Variants in TAF6 observed in about 807,000 individuals in gnomAD.
TAF6 encodes TATA-box binding protein associated factor 6.
Under a neutral mutation model 73.5 loss-of-function variants are expected in TAF6, and 50 were observed. That is an observed-to-expected ratio of 0.68 (90% CI 0.54 to 0.86). The LOEUF is 0.86. Among genes scored for constraint, TAF6 ranks in the 40% least tolerant of loss-of-function variants. The probability of loss-of-function intolerance (pLI) is 0.00; values close to 1 mark genes in which losing one functional copy is unlikely to be tolerated. For synonymous variants in TAF6, 424 were observed against 376.7 expected, an observed-to-expected ratio of 1.13 and a Z score of -1.45; for missense variants, 768 against 899.5, an observed-to-expected ratio of 0.85 and a Z score of 1.87.
chr7:100,121,125 T>A (rs1278255459), upstream of TAF6: 264 of 65,126 alleles, frequency 4.1e-3, no homozygotes, highest in Middle Eastern at 0.019. Flanking sequence ...TATTTTTTTT[T>A]TTTTTTTTTT....
upstream of TAF6, among the ~76,000 whole-genome samples, chr7:100,121,005 G>A (rs1033529124): frequency 1.4e-5 from 2 of 147,296 alleles, no homozygotes; most frequent in African/African-American, 5.1e-5. Flanking sequence ...TGCTCACTAT[G>A]TGCCAGCCTT....
At chr7:100,112,046 C>T in intron 7 of TAF6, 47 bp from the exon 8 acceptor site, 1 of 1,613,796 alleles carries the variant, frequency 6.2e-7, no homozygotes, top group South Asian at 1.1e-5. Flanking sequence ...ATGTGGGGAG[C>T]AATTCATAGG....
chr7:100,109,454 G>T (rs1180054049), intron 12 of TAF6, among the ~76,000 whole-genome samples: 1 of 152,172 alleles, frequency 6.6e-6, no homozygotes, highest in African/African-American at 2.4e-5. Flanking sequence ...AGTAACAGGA[G>T]CATTGGGGAA....
upstream of TAF6, chr7:100,121,111 T>TATATATAC (rs1562938270): frequency 3.6e-3 from 128 of 35,332 alleles, 1 homozygote; most frequent in Non-Finnish European, 6.0e-3. Flanking sequence ...TATATATATA[T>TATATATAC]ATATATTTTT....
chr7:100,107,843 T>C, intron 14 of TAF6, 83 bp downstream of exon 14: 1 of 1,495,062 alleles, frequency 6.7e-7, no homozygotes, highest in Non-Finnish European at 9.0e-7. Flanking sequence ...CAGAGGGGAC[T>C]GTGCTCTACT....
chr7:100,126,162 G>T, the TAF6 span, among the ~76,000 whole-genome samples: 1 of 152,138 alleles, frequency 6.6e-6, no homozygotes, highest in Admixed American at 6.6e-5. Flanking sequence ...CTCCAGCCTG[G>T]GTGATAGAGC....
At chr7:100,116,684 T>C (rs534562797) in intron 1 of TAF6, 3 of 152,306 alleles carry the variant, frequency 2.0e-5, no homozygotes, top group East Asian at 3.9e-4. Context: ...GAAATCCTTA[T>C]AATGTCCTAC....
chr7:100,108,834 G>C, intron 12 of TAF6: 1 of 263,842 alleles, frequency 3.8e-6, no homozygotes, highest in Non-Finnish European at 7.2e-6. Context: ...CAAGAGCCTG[G>C]CCAAAATGGA....
In TAF6 at chr7:100,111,260, G is replaced by T; in HGVS notation, c.962C>A (p.Pro321Gln). ...GAGTGCCCAGTGATTGTCCACATCT[G>T]GTCGCAGGCACAACTGTCTGCTCAC... ...CIVSRQLCLR[P>Q]DVDNHWALRD... is the part of the protein sequence containing the mutation. Residue 321 changes from proline to glutamine, a missense_variant, in exon 10 of 15, where the codon CCA becomes CAA. By Grantham distance (76) the Pro-to-Gln change is moderately conservative. This residue lies in a region of TAF6 where 78 missense variants were observed against 153.4 expected (regional missense o/e 0.51). Coordinates refer to ENST00000453269, the MANE Select transcript of TAF6 (RefSeq NM_139315.3). The T allele has an allele frequency of 6.2e-7, 1 of 1,614,224 alleles. No individual in the cohort carries two copies. Among genetic ancestry groups the T allele is most frequent in the Non-Finnish European group, 8.5e-7 (1 of 1,180,040 alleles).
chr7:100,112,968 TA>T (rs1301734368), intron 5 of TAF6, 51 bp from the exon 6 acceptor site: 4 of 1,573,940 alleles, frequency 2.5e-6, no homozygotes, highest in Non-Finnish European at 1.7e-6. Flanking sequence ...AGTAGAAAAG[TA>T]AAAGGTGGGA....
chr7:100,119,829 G>C (rs779535998), upstream of TAF6: 23 of 1,613,540 alleles, frequency 1.4e-5, no homozygotes, highest in Non-Finnish European at 1.9e-5. Flanking sequence ...GGAGGAGGAC[G>C]ATGACACAGA....
chr7:100,111,882 TC>T lies in TAF6; in HGVS notation c.798+39del, dbSNP rs1363996499. ...GGGCAGGGAGACCCTCACAGGAGCT[TC>T]CACTGCCGTCCCTGCACTGTGGAAC... is the stretch of plus-strand genomic sequence containing the variant. On this transcript the variant is annotated intron_variant, in intron 8 of 14. Transcript: ENST00000453269. 3.1e-6 allele frequency: 5 copies of T among 1,613,968 alleles called. No homozygotes were observed. In the Admixed American group the frequency reaches 5.0e-5, roughly 16 times the overall value.
At chr7:100,111,615 G>T in intron 9 of TAF6, 113 bp downstream of exon 9, 1 of 1,144,026 alleles carries the variant, frequency 8.7e-7, no homozygotes, top group Non-Finnish European at 1.3e-6. Flanking sequence ...CTCCCACTTC[G>T]GCCTCCCAAA....
rs143687621 is a variant in TAF6, at chr7:100,107,381, C to T, written c.1899G>A (p.Ser633=). ...CACTGCCGCTGAGTGGGGACGGGGA[C>T]GATGCCGGGGGAGGAACTGGAGAAG... is the stretch of plus-strand genomic sequence containing the variant. ...SHPSPVPPPA[S]SPSPLSGSAL... is the part of the protein sequence containing the mutation. Residue 633 remains serine, a synonymous_variant, in exon 15 of 15, where the codon TCG becomes TCA. Transcript: ENST00000453269. 1.9e-4 allele frequency: 300 copies of T among 1,590,914 alleles called. No individual in the cohort carries two copies. In the East Asian group the frequency reaches 3.1e-3, roughly 16 times the overall value.
In TAF6 at chr7:100,108,356, C is replaced by G. The variant is rs748478235; in HGVS notation, c.1458+11G>C. On this transcript the variant is annotated intron_variant, in intron 13 of 14. Coordinates refer to ENST00000453269, the MANE Select transcript of TAF6 (RefSeq NM_139315.3). ...CTTCCTCCTATTCCTCCTCCCCACC[C>G]GGCCACGGACCTGCGTGATGGTCAG... is the stretch of plus-strand genomic sequence containing the variant. The G allele has an allele frequency of 2.5e-6, 4 of 1,590,226 alleles. No individual in the cohort carries two copies. Among genetic ancestry groups the G allele is most frequent in the Non-Finnish European group, 3.4e-6 (4 of 1,164,808 alleles).
At position 100,108,353 on chromosome 7, in the gene TAF6, A is replaced by G. The variant is rs1162768382; in HGVS notation, c.1458+14T>C. 5 of 1,588,920 alleles carry G rather than the reference A, an allele frequency of 3.1e-6. No homozygotes were observed. The highest frequency in any genetic ancestry group is 4.3e-6 in the Non-Finnish European group (5 of 1,164,386). On this transcript the variant is annotated intron_variant, in intron 13 of 14. Coordinates refer to ENST00000453269, the MANE Select transcript of TAF6 (RefSeq NM_139315.3). The stretch of plus-strand genomic sequence containing the variant: ...CTGCTTCCTCCTATTCCTCCTCCCC[A>G]CCCGGCCACGGACCTGCGTGATGGT...
upstream of TAF6, chr7:100,124,667 C>T (rs750734379): frequency 2.9e-5 from 46 of 1,611,344 alleles, no homozygotes; most frequent in Non-Finnish European, 3.8e-5. Flanking sequence ...CCTGCCAAGC[C>T]ATAGCCTCCC....
At chr7:100,122,903 G>T (rs1219794071), upstream of TAF6, 5 of 1,612,136 alleles carry the variant, frequency 3.1e-6, no homozygotes, top group African/African-American at 6.7e-5. Context: ...ACCTCAAGAA[G>T]CAGGTAGGAT....
At chr7:100,123,535 T>C (rs1195745969), upstream of TAF6, among the ~76,000 whole-genome samples, 1 of 152,036 alleles carries the variant, frequency 6.6e-6, no homozygotes, top group East Asian at 1.9e-4. Context: ...AATTTTTTTT[T>C]TCAAGACGGA....
Sources: gnomAD v4.1 joint callset for allele counts (sites outside exome capture counted in the v4.1 genomes callset) on GRCh38, gnomAD v4.1.1 for gene constraint, gnomAD v4.1.1 regional missense constraint, MANE v1.5 for transcripts, NCBI Gene and HGNC (gene_info 2026-07-23, HGNC 2026-07-21) for gene names.